The following ANO10 variants were observed in gnomAD, a reference collection of about 807,000 sequenced individuals.
ANO10 encodes the protein anoctamin 10.
ANO10 carries 77 observed loss-of-function variants against 74.7 expected under a neutral mutation model. The observed-to-expected ratio is 1.03, with a 90% CI of 0.86 to 1.25. The LOEUF (loss-of-function observed/expected upper bound fraction) is 1.25, where lower values mean the gene tolerates loss of function less well. Among genes scored for constraint, ANO10 ranks in the 50% most tolerant of loss-of-function variants. ANO10 has a pLI of 0.00. For missense variants in ANO10, 721 were observed against 778.1 expected (o/e 0.93, Z 0.87); for synonymous variants, 279 against 284.9 (o/e 0.98, Z 0.21).
At chr3:43,687,131 A>G (rs2149584993) in intron 1 of ANO10, among the ~76,000 whole-genome samples, 1 of 152,124 alleles carries the variant, frequency 6.6e-6, no homozygotes, top group African/African-American at 2.4e-5. Context: ...TGCTTTCTCA[A>G]TATGTTTTAT....
chr3:43,425,151 C>T (rs2092879032), intron 12 of ANO10, among the ~76,000 whole-genome samples: 2 of 150,620 alleles, frequency 1.3e-5, no homozygotes, highest in South Asian at 4.2e-4. Flanking sequence ...TAATTCTAGG[C>T]TGTAAAATTT....
At chr3:43,557,089 T>TA (rs1349412296) in intron 9 of ANO10, among the ~76,000 whole-genome samples, 1 of 150,416 alleles carries the variant, frequency 6.6e-6, no homozygotes, top group East Asian at 2.0e-4. Flanking sequence ...ATACTATTTA[T>TA]AAAAAGGAAA....
In ANO10 at chr3:43,514,458, C is replaced by CA. The variant is rs534827714; in HGVS notation, c.1797+35261dup. 3.7e-3 allele frequency among the ~76,000 whole-genome samples: 560 copies of CA among 151,358 alleles called. 1 individual carries two copies. Among genetic ancestry groups the CA allele is most frequent in the Middle Eastern group, 0.014 (4 of 292 alleles). Reference sequence around the variant, plus strand: ...GATGAAACAATTATATACCAAATGACAGAGCTTCAAAAAAAAGAAGCAAAA... The same window carrying CA: ...GATGAAACAATTATATACCAAATGACAAGAGCTTCAAAAAAAAGAAGCAAAA... On this transcript the variant is annotated intron_variant, in intron 11 of 12. Transcript: ENST00000292246.
chr3:43,448,560 T>C (rs903005303), intron 11 of ANO10, among the ~76,000 whole-genome samples: 2 of 152,210 alleles, frequency 1.3e-5, no homozygotes, highest in Admixed American at 6.5e-5. Context: ...TATTCCCTCA[T>C]ATAGATGTAC....
At chr3:43,377,108 G>A (rs754719270) in intron 12 of ANO10, among the ~76,000 whole-genome samples, 1 of 152,016 alleles carries the variant, frequency 6.6e-6, no homozygotes, top group Non-Finnish European at 1.5e-5. Flanking sequence ...TTGAGACAGG[G>A]TTTCACTCTG....
intron 12 of ANO10, among the ~76,000 whole-genome samples, chr3:43,367,242 T>C (rs1488607070): frequency 6.6e-6 from 1 of 152,080 alleles, no homozygotes; most frequent in African/African-American, 2.4e-5. Flanking sequence ...CGTCTCCTCC[T>C]CCCTGGATGG....
chr3:43,394,570 A>G (rs778281476), intron 12 of ANO10, among the ~76,000 whole-genome samples: 3 of 152,216 alleles, frequency 2.0e-5, no homozygotes, highest in Non-Finnish European at 4.4e-5. Flanking sequence ...TAGAATTTAT[A>G]GGAAACAGTG....
chr3:43,610,720 A>C (rs1394776745), intron 1 of ANO10, among the ~76,000 whole-genome samples: 1 of 152,214 alleles, frequency 6.6e-6, no homozygotes, highest in Admixed American at 6.5e-5. Context: ...GCACAGAAAA[A>C]CAGCTAGATA....
At chr3:43,454,435 A>C (rs2075034180) in intron 11 of ANO10, among the ~76,000 whole-genome samples, 1 of 152,232 alleles carries the variant, frequency 6.6e-6, no homozygotes, top group African/African-American at 2.4e-5. Flanking sequence ...AGACAAAAGC[A>C]GAAGGGTGGC....
Position 43,442,705 on chromosome 3 carries a change from G to A in ANO10, c.1798-9978C>T, listed in dbSNP as rs970908405. ...GTCAGCAAACTTCTTAAAAGGCCAC[G>A]GAATAAATATTTTAGCCACACAGTC... On this transcript the variant is annotated intron_variant, in intron 11 of 12. Transcript: ENST00000292246. 5.3e-5 allele frequency among the ~76,000 whole-genome samples: 8 copies of A among 152,118 alleles called. No homozygotes were observed. In the East Asian group the frequency reaches 5.8e-4, roughly 11 times the overall value.
intron 7 of ANO10, among the ~76,000 whole-genome samples, chr3:43,573,165 A>C (rs1327134608): frequency 6.6e-6 from 1 of 152,140 alleles, no homozygotes; most frequent in Non-Finnish European, 1.5e-5. Context: ...TGTATCCCAT[A>C]TTCCTTTACT....
At chr3:43,602,799 C>T (rs2082395656) in intron 2 of ANO10, among the ~76,000 whole-genome samples, 1 of 152,174 alleles carries the variant, frequency 6.6e-6, no homozygotes, top group South Asian at 2.1e-4. Flanking sequence ...TCAAGGATGG[C>T]CTTTAATGTA....
chr3:43,577,235 T>C lies in ANO10; in HGVS notation c.619A>G (p.Thr207Ala). The change falls in exon 6 of 13, where the codon ACA becomes GCA. Residue 207 changes from threonine to alanine, a missense_variant. Transcript: ENST00000292246. Reference protein sequence around the residue: ...IDSIRGYFGETIALYFGFLEY... With the variant: ...IDSIRGYFGEAIALYFGFLEY... Reference sequence around the variant, plus strand: ...AAAAATCCAAAGTACAGAGCAATTGTTTCCCCAAAGTAGCCACGAATACTG... The same window carrying C: ...AAAAATCCAAAGTACAGAGCAATTGCTTCCCCAAAGTAGCCACGAATACTG... The C allele has an allele frequency of 6.2e-7, 1 of 1,614,018 alleles. No individual in the cohort carries two copies. The highest frequency in any genetic ancestry group is 8.5e-7 in the Non-Finnish European group (1 of 1,179,994).
chr3:43,642,821 T>C (rs2083683691), intron 1 of ANO10, among the ~76,000 whole-genome samples: 2 of 151,458 alleles, frequency 1.3e-5, no homozygotes, highest in African/African-American at 4.9e-5. Flanking sequence ...AAATATATTC[T>C]GGAGATTGTT....
intron 5 of ANO10, 136 bp from the exon 6 acceptor site, chr3:43,577,397 A>C: frequency 1.1e-6 from 1 of 873,974 alleles, no homozygotes. Context: ...GTGGTGGTAA[A>C]TCTACCCTCC....
chr3:43,388,438 G>A (rs2092187354), intron 12 of ANO10, among the ~76,000 whole-genome samples: 1 of 152,076 alleles, frequency 6.6e-6, no homozygotes. Context: ...GATGGCATGT[G>A]TGAATGCATG....
intron 12 of ANO10, among the ~76,000 whole-genome samples, chr3:43,422,762 A>G (rs888834241): frequency 6.6e-6 from 1 of 152,234 alleles, no homozygotes; most frequent in Admixed American, 6.5e-5. Context: ...GAATATTAAG[A>G]TATATAAATT....
At chr3:43,448,902 T>C (rs1173106351) in intron 11 of ANO10, among the ~76,000 whole-genome samples, 1 of 150,798 alleles carries the variant, frequency 6.6e-6, no homozygotes, top group African/African-American at 2.4e-5. Context: ...GACAGAGTCT[T>C]GTTCTGTCAC....
At chr3:43,403,308 C>T (rs1375533300) in intron 12 of ANO10, among the ~76,000 whole-genome samples, 3 of 152,240 alleles carry the variant, frequency 2.0e-5, no homozygotes, top group Non-Finnish European at 4.4e-5. Context: ...AGAAACAGAA[C>T]CCATAATTAG....
Sources: allele counts gnomAD v4.1 joint callset (sites outside exome capture counted in the v4.1 genomes callset), GRCh38; gene constraint gnomAD v4.1.1; transcripts MANE v1.5; gene names NCBI Gene and HGNC (gene_info 2026-07-23, HGNC 2026-07-21).